The following MSI2 variants were observed in gnomAD, a reference collection of about 807,000 sequenced individuals.
The protein encoded by MSI2 is RNA-binding protein Musashi homolog 2.
Under a neutral mutation model 45.6 loss-of-function variants are expected in MSI2, and 17 were observed. The observed-to-expected ratio is 0.37, with a 90% CI of 0.26 to 0.56. The LOEUF is 0.56. Among genes scored for constraint, MSI2 ranks in the 20% least tolerant of loss-of-function variants. The pLI, the probability that MSI2 is intolerant of heterozygous loss-of-function variation, is 0.77. For missense variants in MSI2, 293 were observed against 444.2 expected, an observed-to-expected ratio of 0.66 and a Z score of 3.06; for synonymous variants, 156 against 158.2, an observed-to-expected ratio of 0.99 and a Z score of 0.11.
Position 57,679,985 on chromosome 17 carries a change from T to C in MSI2, c.*468T>C. On this transcript the variant is annotated 3_prime_UTR_variant, in exon 14 of 14. Transcript: ENST00000284073. ...TTGCTTGTTTTGGTTCTGTTCTCAC[T>C]TTTAAAGGATGCTGAGATGGTAATA... 1 of 227,190 alleles carries C rather than the reference T, an allele frequency of 4.4e-6. No individual in the cohort carries two copies. The highest frequency in any genetic ancestry group is 8.8e-6 in the Non-Finnish European group (1 of 114,248). 14.1% of individuals were successfully genotyped at this position (227,190 alleles called of 1,614,324 possible). A position where few individuals can be genotyped will look rare whatever the true frequency, so the allele number is the denominator to read the frequency against.
At chr17:57,693,072 A>T in the MSI2 span, among the ~76,000 whole-genome samples, 1 of 151,906 alleles carries the variant, frequency 6.6e-6, no homozygotes, top group Non-Finnish European at 1.5e-5. Flanking sequence ...CTGGGATTTC[A>T]ATTACAGAAT....
intron 7 of MSI2, among the ~76,000 whole-genome samples, chr17:57,584,725 G>A (rs1179722723): frequency 2.6e-5 from 4 of 151,982 alleles, no homozygotes; most frequent in South Asian, 2.1e-4. Context: ...GCACCAGGGC[G>A]GGGGGCCAGC....
intron 6 of MSI2, among the ~76,000 whole-genome samples, chr17:57,477,146 GT>G (rs2085554374): frequency 7.9e-3 from 14 of 1,780 alleles, no homozygotes; most frequent in Non-Finnish European, 0.016. Context: ...ATAAGGCCTG[GT>G]GTGTGTGTGT....
chr17:57,629,835 A>G (rs1453981346), intron 10 of MSI2: 2 of 152,070 alleles, frequency 1.3e-5, no homozygotes, highest in South Asian at 2.1e-4. Flanking sequence ...TGATCTGTGC[A>G]CTCAGCCTGC....
intron 6 of MSI2, among the ~76,000 whole-genome samples, chr17:57,458,047 A>C (rs2085149575): frequency 6.6e-6 from 1 of 152,036 alleles, no homozygotes; most frequent in South Asian, 2.1e-4. Context: ...ACCATATTGC[A>C]TATATATAAG....
chr17:57,556,442 A>G (rs2087436923), intron 7 of MSI2, among the ~76,000 whole-genome samples: 1 of 152,158 alleles, frequency 6.6e-6, no homozygotes, highest in African/African-American at 2.4e-5. Context: ...ATGTAAGAAT[A>G]CTTCTTCCTT....
chr17:57,347,345 G>C (rs1283009958), intron 5 of MSI2, among the ~76,000 whole-genome samples: 3 of 152,116 alleles, frequency 2.0e-5, no homozygotes, highest in Non-Finnish European at 2.9e-5. Context: ...TTCCAAAATA[G>C]CTCTTTTAAA....
At chr17:57,374,403 T>C (rs1464494186) in intron 5 of MSI2, among the ~76,000 whole-genome samples, 1 of 152,222 alleles carries the variant, frequency 6.6e-6, no homozygotes, top group Non-Finnish European at 1.5e-5. Context: ...ACTTCCTCAA[T>C]ATTTTTTTCC....
intron 7 of MSI2, among the ~76,000 whole-genome samples, chr17:57,536,874 A>G (rs2086931743): frequency 6.6e-6 from 1 of 152,164 alleles, no homozygotes. Flanking sequence ...GTGAAAATCC[A>G]GTTCTCTTTC....
intron 5 of MSI2, among the ~76,000 whole-genome samples, chr17:57,395,337 A>T (rs114482787): frequency 6.6e-6 from 1 of 152,242 alleles, no homozygotes; most frequent in Non-Finnish European, 1.5e-5. Flanking sequence ...GATCCAACCC[A>T]GTCTCTTTTC....
At chr17:57,685,024 A>C (rs1036663923), downstream of MSI2, among the ~76,000 whole-genome samples, 1 of 152,154 alleles carries the variant, frequency 6.6e-6, no homozygotes, top group Non-Finnish European at 1.5e-5. Context: ...GGAAGGAGCT[A>C]AGGGGCCCTC....
At chr17:57,289,945 A>G (rs1910265265) in intron 5 of MSI2, among the ~76,000 whole-genome samples, 1 of 152,248 alleles carries the variant, frequency 6.6e-6, no homozygotes, top group Admixed American at 6.5e-5. Context: ...ATGGAGTAGA[A>G]GCGGAGCCCA....
At chr17:57,522,099 G>A (rs1425965450) in intron 6 of MSI2, 1 of 152,184 alleles carries the variant, frequency 6.6e-6, no homozygotes, top group African/African-American at 2.4e-5. Flanking sequence ...CCTGGACCCA[G>A]GCAGCGGCTG....
intron 5 of MSI2, among the ~76,000 whole-genome samples, chr17:57,333,442 T>G (rs1414091654): frequency 7.4e-6 from 1 of 135,212 alleles, no homozygotes; most frequent in Non-Finnish European, 1.6e-5. Context: ...ATTTGTACCG[T>G]TTTTTTTTTT....
intron 9 of MSI2, 60 bp downstream of exon 9, chr17:57,616,144 C>G: frequency 7.4e-7 from 1 of 1,348,342 alleles, no homozygotes; most frequent in South Asian, 1.2e-5. Flanking sequence ...GGCCTCTACT[C>G]CCAACTGGGT....
rs1193941451 is a variant in MSI2 at position 57,364,226 on chromosome 17, G to A, written c.313-37153G>A. On this transcript the variant is annotated intron_variant, in intron 5 of 13. Coordinates refer to ENST00000284073, the MANE Select transcript of MSI2 (RefSeq NM_138962.4). ...TAGGTGGTGAGGGGCCAGAAGGCTCGGCTGGCTGGGTTTGGAGACACAGTC... is the reference window on the plus strand; with the variant it reads ...TAGGTGGTGAGGGGCCAGAAGGCTCAGCTGGCTGGGTTTGGAGACACAGTC... Among the ~76,000 whole-genome samples, 12 of 152,314 alleles carry A rather than the reference G, an allele frequency of 7.9e-5. No homozygotes were observed. In the South Asian group the frequency reaches 1.0e-3, roughly 13 times the overall value.
chr17:57,356,762 CT>C (rs1355139158), intron 5 of MSI2, among the ~76,000 whole-genome samples: 1 of 151,822 alleles, frequency 6.6e-6, no homozygotes, highest in African/African-American at 2.4e-5. Context: ...AAGTTGGAGT[CT>C]TTTGTAATGG....
chr17:57,567,895 C>T (rs1328536902), intron 7 of MSI2, among the ~76,000 whole-genome samples: 2 of 152,238 alleles, frequency 1.3e-5, no homozygotes, highest in African/African-American at 4.8e-5. Context: ...CTGCACCTAG[C>T]TTACAATAAA....
In MSI2 at chr17:57,262,196, A is replaced by G; in HGVS notation, c.312+4A>G. 6.2e-7 allele frequency: 1 copy of G among 1,614,008 alleles called. No individual in the cohort carries two copies. Among genetic ancestry groups the G allele is most frequent in the South Asian group, 1.1e-5 (1 of 91,052 alleles). ...TCCTCGTCGAGCGCAACCCAAGGTAAGTAGGAGAATAAACAGTAGGATTTT... is the reference window on the plus strand; with the variant it reads ...TCCTCGTCGAGCGCAACCCAAGGTAGGTAGGAGAATAAACAGTAGGATTTT... On this transcript the variant is annotated splice_donor_region_variant and intron_variant, in intron 5 of 13. Transcript: ENST00000284073.
Sources: allele counts gnomAD v4.1 joint callset (sites outside exome capture counted in the v4.1 genomes callset), GRCh38; gene constraint gnomAD v4.1.1; transcripts MANE v1.5; gene names NCBI Gene and HGNC (gene_info 2026-07-23, HGNC 2026-07-21).